The following EXOC6B variants were observed in gnomAD, a reference collection of about 807,000 sequenced individuals.
EXOC6B encodes SEC15 homolog B.
In EXOC6B, 54 loss-of-function variants were observed where a neutral mutation model predicts 113.5. The ratio of observed to expected loss-of-function variants is 0.48; its 90% CI spans 0.38 to 0.60. EXOC6B has a LOEUF of 0.60. Ranked by LOEUF, EXOC6B falls within the 20% of genes least tolerant of loss-of-function variation. The pLI is 0.00. For synonymous variants in EXOC6B, 357 were observed against 339.0 expected (o/e 1.05, Z -0.58); for missense variants, 797 against 977.5 (o/e 0.82, Z 2.46).
chr2:72,344,926 G>A (rs1001904040), intron 19 of EXOC6B, among the ~76,000 whole-genome samples: 3 of 151,898 alleles, frequency 2.0e-5, no homozygotes, highest in South Asian at 2.1e-4. Flanking sequence ...AAGAATGGTC[G>A]CCCATCTCCA....
At chr2:72,190,178 CA>C (rs1002623776) in intron 20 of EXOC6B, among the ~76,000 whole-genome samples, 13 of 151,862 alleles carry the variant, frequency 8.6e-5, no homozygotes, top group African/African-American at 2.9e-4. Flanking sequence ...ACTACAGGCA[CA>C]CACCACTATG....
chr2:72,553,508 CATG>C (rs1343086597), intron 8 of EXOC6B, among the ~76,000 whole-genome samples: 2 of 151,812 alleles, frequency 1.3e-5, no homozygotes, highest in Non-Finnish European at 2.9e-5. Flanking sequence ...AAAGAAGAGA[CATG>C]AGAAGGGACT....
At chr2:72,671,795 G>GAAAGAAAGAAAGAA (rs1553464093) in intron 6 of EXOC6B, among the ~76,000 whole-genome samples, 9 of 114,244 alleles carry the variant, frequency 7.9e-5, no homozygotes, top group African/African-American at 2.5e-4. Context: ...AAGAAAGAAA[G>GAAAGAAAGAAAGAA]AAAGAAAGAA....
intron 20 of EXOC6B, among the ~76,000 whole-genome samples, chr2:72,222,538 C>T (rs912659940): frequency 6.6e-6 from 1 of 151,908 alleles, no homozygotes; most frequent in Non-Finnish European, 1.5e-5. Flanking sequence ...AATAAAATGC[C>T]CTGGACTAGA....
chr2:72,670,927 GC>G (rs1156923304), intron 6 of EXOC6B, among the ~76,000 whole-genome samples: 2 of 151,908 alleles, frequency 1.3e-5, no homozygotes, highest in Non-Finnish European at 1.5e-5. Context: ...AGCAGCTTAG[GC>G]CCCTCCCATG....
intron 1 of EXOC6B, among the ~76,000 whole-genome samples, chr2:72,796,029 G>C (rs1007393281): frequency 6.6e-6 from 1 of 151,792 alleles, no homozygotes. Context: ...GCCAGTGTTG[G>C]CCAGGCTGGT....
intron 18 of EXOC6B, among the ~76,000 whole-genome samples, chr2:72,460,217 A>G (rs1697531764): frequency 2.0e-5 from 3 of 152,150 alleles, no homozygotes; most frequent in African/African-American, 7.2e-5. Context: ...AAGATGGATT[A>G]AAGACTTAAA....
intron 8 of EXOC6B, among the ~76,000 whole-genome samples, chr2:72,520,286 A>C (rs902929210): frequency 7.2e-5 from 11 of 152,122 alleles, no homozygotes; most frequent in Admixed American, 6.5e-4. Flanking sequence ...CTACTTTCAT[A>C]TTTGCCCTTC....
chr2:72,321,533 C>CAAAAAAAA, intron 20 of EXOC6B, among the ~76,000 whole-genome samples: 1 of 61,168 alleles, frequency 1.6e-5, no homozygotes, highest in Non-Finnish European at 3.5e-5. Context: ...GACTCCGTCT[C>CAAAAAAAA]AAAAAAAAAA....
intron 20 of EXOC6B, among the ~76,000 whole-genome samples, chr2:72,202,223 A>G (rs1184909592): frequency 2.0e-5 from 3 of 152,224 alleles, no homozygotes. Context: ...TAAGGATATG[A>G]GAGGAGACAC....
Position 72,498,543 on chromosome 2 carries a change from A to G in EXOC6B, c.1248T>C (p.Gly416=). Reference sequence around the variant, plus strand: ...TGTCAAAAAGCTGATTTACAGGGAAACCATACACCTGAAACAAAATAAGAA... The same window carrying G: ...TGTCAAAAAGCTGATTTACAGGGAAGCCATACACCTGAAACAAAATAAGAA... ...VLFADTLQVY[G]FPVNQLFDML... Residue 416 remains glycine (G), a synonymous_variant, in exon 13 of 22, where the codon GGT becomes GGC. Coordinates refer to ENST00000272427, the MANE Select transcript of EXOC6B (RefSeq NM_015189.3). The G allele has an allele frequency of 1.2e-6, 2 of 1,607,612 alleles. No homozygotes were observed. The highest frequency in any genetic ancestry group is 1.7e-6 in the Non-Finnish European group (2 of 1,177,272).
intron 17 of EXOC6B, among the ~76,000 whole-genome samples, chr2:72,470,434 C>T (rs1230218151): frequency 1.3e-5 from 2 of 151,950 alleles, no homozygotes; most frequent in Non-Finnish European, 2.9e-5. Flanking sequence ...ATTTTATATC[C>T]TGCAACTTTA....
At chr2:72,601,655 CA>C (rs1259106539) in intron 6 of EXOC6B, among the ~76,000 whole-genome samples, 8 of 152,058 alleles carry the variant, frequency 5.3e-5, no homozygotes, top group Non-Finnish European at 1.0e-4. Flanking sequence ...TATGATCCAC[CA>C]ATCATGTTCC....
intron 6 of EXOC6B, among the ~76,000 whole-genome samples, chr2:72,621,559 C>T (rs1397494693): frequency 6.6e-6 from 1 of 152,150 alleles, no homozygotes; most frequent in Non-Finnish European, 1.5e-5. Context: ...GGGTACTATG[C>T]TCACTACCTG....
intron 18 of EXOC6B, among the ~76,000 whole-genome samples, chr2:72,406,959 G>C (rs1409903119): frequency 6.6e-6 from 1 of 151,732 alleles, no homozygotes; most frequent in Non-Finnish European, 1.5e-5. Flanking sequence ...GACTAATAAA[G>C]AAGACTAGCA....
At chr2:72,764,091 T>C (rs1423657396) in intron 1 of EXOC6B, among the ~76,000 whole-genome samples, 2 of 151,912 alleles carry the variant, frequency 1.3e-5, no homozygotes, top group African/African-American at 2.4e-5. Context: ...AAAATTAAAA[T>C]AATATAAAAT....
intron 8 of EXOC6B, among the ~76,000 whole-genome samples, chr2:72,541,444 G>A (rs2105790592): frequency 6.7e-6 from 1 of 150,218 alleles, no homozygotes; most frequent in South Asian, 2.1e-4. Context: ...TCTCTTTCTG[G>A]CCCCTAGACT....
intron 6 of EXOC6B, among the ~76,000 whole-genome samples, chr2:72,688,333 A>G (rs1057383406): frequency 1.3e-5 from 2 of 152,228 alleles, no homozygotes; most frequent in African/African-American, 4.8e-5. Flanking sequence ...GACATGAGGA[A>G]GTGAGACAGG....
At chr2:72,290,576 G>C (rs10207869) in intron 20 of EXOC6B, among the ~76,000 whole-genome samples, 33,815 of 151,776 alleles carry the variant, frequency 0.22, 6,886 homozygotes, top group African/African-American at 0.55. Flanking sequence ...GTATTCATAT[G>C]ACTTTTTATT....
Sources: allele counts gnomAD v4.1 joint callset (sites outside exome capture counted in the v4.1 genomes callset), GRCh38; gene constraint gnomAD v4.1.1; transcripts MANE v1.5; gene names NCBI Gene and HGNC (gene_info 2026-07-23, HGNC 2026-07-21).